Variants in CNTN6 observed in about 807,000 individuals in gnomAD.
CNTN6 encodes the protein contactin-6.
A neutral mutation model predicts 122.8 loss-of-function variants in CNTN6; 137 were observed. The observed-to-expected ratio is 1.12, with a 90% CI of 0.97 to 1.29. The LOEUF (loss-of-function observed/expected upper bound fraction) is 1.29, where lower values mean the gene tolerates loss of function less well. Among genes scored for constraint, CNTN6 ranks in the 50% most tolerant of loss-of-function variants. The probability of loss-of-function intolerance (pLI) is 0.00; values close to 1 mark genes in which losing one functional copy is unlikely to be tolerated. For synonymous variants in CNTN6, 570 were observed against 426.0 expected (o/e 1.34, Z -4.16); for missense variants, 1,634 against 1,223.4 (o/e 1.34, Z -5.01).
chr3:1,107,309 G>T (rs943955444), intron 1 of CNTN6, among the ~76,000 whole-genome samples: 3 of 150,540 alleles, frequency 2.0e-5, no homozygotes, highest in Non-Finnish European at 4.4e-5. Flanking sequence ...AATTATAATT[G>T]TTGAGTACCC....
At position 1,386,341 on chromosome 3, in the gene CNTN6, G is replaced by GGATACCTTATTACTACAGCTT. The variant is rs538891307; in HGVS notation, c.2704+545_2704+565dup. Among the ~76,000 whole-genome samples, 17 of 152,148 alleles carry GGATACCTTATTACTACAGCTT rather than the reference G, an allele frequency of 1.1e-4. No homozygotes were observed. The South Asian group carries it at 3.5e-3, about 32-fold the overall frequency. On this transcript the variant is annotated intron_variant, in intron 20 of 22. Transcript: ENST00000446702. ...TCAGACACCTAGATCTTTCCTTTTA[G>GGATACCTTATTACTACAGCTT]GATACCTTATTACTACAGCTTACTT...
intron 20 of CNTN6, among the ~76,000 whole-genome samples, chr3:1,399,594 T>C (rs1325624302): frequency 1.3e-5 from 2 of 152,092 alleles, no homozygotes; most frequent in Non-Finnish European, 2.9e-5. Flanking sequence ...GTCTTGATCA[T>C]AGGACAACAT....
chr3:1,401,856 A>G (rs1695755699), intron 21 of CNTN6, among the ~76,000 whole-genome samples: 1 of 152,064 alleles, frequency 6.6e-6, no homozygotes, highest in African/African-American at 2.4e-5. Flanking sequence ...ATGAGATCAA[A>G]AAATATATCT....
At chr3:1,296,601 T>C (rs1696283516) in intron 6 of CNTN6, among the ~76,000 whole-genome samples, 1 of 152,078 alleles carries the variant, frequency 6.6e-6, no homozygotes. Context: ...CTCTGAAGAG[T>C]TGAAGAAAAG....
At chr3:1,345,118 AC>A (rs1301287143) in intron 11 of CNTN6, among the ~76,000 whole-genome samples, 14 of 147,390 alleles carry the variant, frequency 9.5e-5, no homozygotes, top group Admixed American at 9.4e-4. Flanking sequence ...ATGTACAATT[AC>A]TTTTTTTTTT....
intron 11 of CNTN6, among the ~76,000 whole-genome samples, chr3:1,350,699 T>C (rs1705486629): frequency 6.6e-6 from 1 of 151,806 alleles, no homozygotes; most frequent in African/African-American, 2.4e-5. Flanking sequence ...ATTGACTTAG[T>C]GGCTGGAAAA....
intron 1 of CNTN6, among the ~76,000 whole-genome samples, chr3:1,124,720 G>C (rs9855603): frequency 0.66 from 99,853 of 151,606 alleles, 33,589 homozygotes; most frequent in African/African-American, 0.79. Context: ...CATCCCTTCC[G>C]CTTCTTCACT....
intron 2 of CNTN6, 100 bp from the exon 3 acceptor site, chr3:1,220,587 A>G: frequency 1.0e-6 from 1 of 997,784 alleles, no homozygotes; most frequent in Non-Finnish European, 1.4e-6. Context: ...TTTAAAATAA[A>G]ATAATTTTAA....
At chr3:1,294,607 A>G (rs1695887822) in intron 5 of CNTN6, among the ~76,000 whole-genome samples, 1 of 152,192 alleles carries the variant, frequency 6.6e-6, no homozygotes, top group African/African-American at 2.4e-5. Flanking sequence ...CAAGATTTCC[A>G]GAGATGGACT....
chr3:1,267,249 C>G (rs530046741), intron 4 of CNTN6, among the ~76,000 whole-genome samples: 8 of 151,958 alleles, frequency 5.3e-5, no homozygotes, highest in African/African-American at 1.9e-4. Context: ...CTTTTTTTCC[C>G]TCTCCCACCA....
intron 4 of CNTN6, among the ~76,000 whole-genome samples, chr3:1,242,942 A>T (rs1442073233): frequency 6.6e-6 from 1 of 152,102 alleles, no homozygotes. Context: ...AAAAGAAGGT[A>T]ATGTGGAGTG....
chr3:1,160,160 C>T (rs895488430), intron 2 of CNTN6, among the ~76,000 whole-genome samples: 1 of 151,726 alleles, frequency 6.6e-6, no homozygotes, highest in Admixed American at 6.6e-5. Context: ...CAAAATATCT[C>T]AGTAAGTATA....
chr3:1,220,543 A>T, intron 2 of CNTN6, 144 bp from the exon 3 acceptor site: 2 of 763,624 alleles, frequency 2.6e-6, no homozygotes, highest in Non-Finnish European at 3.7e-6. Flanking sequence ...TTCTTTGTCC[A>T]TTTTTGTAAT....
chr3:1,104,496 G>A (rs938109333), intron 1 of CNTN6, among the ~76,000 whole-genome samples: 2 of 151,892 alleles, frequency 1.3e-5, no homozygotes, highest in Admixed American at 6.5e-5. Context: ...TAGTACCAGT[G>A]GATTTACTAA....
chr3:1,318,107 AAGAAAGAAAGAAGAGAG>A (rs1318532580), intron 7 of CNTN6, among the ~76,000 whole-genome samples: 1 of 151,634 alleles, frequency 6.6e-6, no homozygotes, highest in Non-Finnish European at 1.5e-5. Context: ...GAAGGAAAGA[AAGAAAGAAAGAAGAGAG>A]AGAAAGAAAG....
intron 1 of CNTN6, among the ~76,000 whole-genome samples, chr3:1,106,319 CTTATTT>C (rs1322000662): frequency 1.3e-5 from 2 of 152,000 alleles, no homozygotes; most frequent in African/African-American, 4.8e-5. Context: ...GAAAGAACTT[CTTATTT>C]TTGTTTTAGC....
intron 11 of CNTN6, among the ~76,000 whole-genome samples, chr3:1,338,426 A>G (rs191021470): frequency 5.9e-5 from 9 of 152,276 alleles, no homozygotes; most frequent in Middle Eastern, 3.4e-3. Flanking sequence ...TCTGCCTTCA[A>G]GAGAGGCTGA....
intron 4 of CNTN6, among the ~76,000 whole-genome samples, chr3:1,229,512 T>A (rs894391755): frequency 6.6e-6 from 1 of 152,192 alleles, no homozygotes; most frequent in African/African-American, 2.4e-5. Context: ...AACAGTTGAA[T>A]GTCTACATCT....
chr3:1,121,602 A>C (rs2091952328), intron 1 of CNTN6, among the ~76,000 whole-genome samples: 1 of 151,942 alleles, frequency 6.6e-6, no homozygotes, highest in African/African-American at 2.4e-5. Flanking sequence ...GTATATAGTC[A>C]GAATGTTTAT....
Sources: allele counts gnomAD v4.1 joint callset (sites outside exome capture counted in the v4.1 genomes callset), GRCh38; gene constraint gnomAD v4.1.1; transcripts MANE v1.5; gene names NCBI Gene and HGNC (gene_info 2026-07-23, HGNC 2026-07-21).